The following LRP6 variants were observed in gnomAD, a reference collection of about 807,000 sequenced individuals.
LRP6 encodes low-density lipoprotein receptor-related protein 6.
Under a neutral mutation model 184.1 loss-of-function variants are expected in LRP6, and 43 were observed. The observed-to-expected ratio is 0.23, with a 90% CI of 0.18 to 0.30. The LOEUF is 0.30. LRP6 is among the 10% of genes least tolerant of loss of function. LRP6 has a pLI of 1.00. For missense variants in LRP6, 1,571 were observed against 2,005.3 expected (o/e 0.78, Z 4.14); for synonymous variants, 719 against 684.9 (o/e 1.05, Z -0.78).
At chr12:12,263,550 C>A (rs76519712) in intron 1 of LRP6, among the ~76,000 whole-genome samples, 98 of 135,870 alleles carry the variant, frequency 7.2e-4, no homozygotes, top group African/African-American at 9.4e-4. Context: ...GAATCCGTCT[C>A]AAAAAAAAAA....
At chr12:12,230,662 G>GAATATTTTA (rs1349557757) in intron 2 of LRP6, among the ~76,000 whole-genome samples, 1 of 152,192 alleles carries the variant, frequency 6.6e-6, no homozygotes, top group East Asian at 1.9e-4. Context: ...GTACATGAAA[G>GAATATTTTA]AATAGACAAT....
intron 22 of LRP6, among the ~76,000 whole-genome samples, chr12:12,123,332 G>C (rs1949629206): frequency 6.6e-6 from 1 of 152,164 alleles, no homozygotes; most frequent in African/African-American, 2.4e-5. Flanking sequence ...GAAGAAACTT[G>C]TGGCAGGGAA....
intron 9 of LRP6, among the ~76,000 whole-genome samples, chr12:12,164,064 G>A (rs577654486): frequency 6.6e-6 from 1 of 151,810 alleles, no homozygotes; most frequent in South Asian, 2.1e-4. Flanking sequence ...TGGGAGGCAG[G>A]GGTTGCAGTG....
At chr12:12,197,816 G>A (rs1183355584) in intron 3 of LRP6, among the ~76,000 whole-genome samples, 1 of 152,234 alleles carries the variant, frequency 6.6e-6, no homozygotes, top group Non-Finnish European at 1.5e-5. Flanking sequence ...GGCCGAGACA[G>A]GTGGATCACT....
intron 12 of LRP6, among the ~76,000 whole-genome samples, chr12:12,153,163 C>T (rs1449072229): frequency 6.6e-6 from 1 of 152,184 alleles, no homozygotes; most frequent in East Asian, 1.9e-4. Context: ...GGCAGTACTA[C>T]TTTCTTAGTA....
At chr12:12,126,615 T>C (rs369956236) in intron 20 of LRP6, 76 bp downstream of exon 20, 45 of 1,107,440 alleles carry the variant, frequency 4.1e-5, no homozygotes, top group South Asian at 2.9e-4. Context: ...CTCTAGGTAG[T>C]ATTCTTTTCC....
At chr12:12,264,554 T>C (rs1344018024) in intron 1 of LRP6, among the ~76,000 whole-genome samples, 2 of 152,168 alleles carry the variant, frequency 1.3e-5, no homozygotes, top group African/African-American at 4.8e-5. Context: ...GACTCTCACA[T>C]ACCCCATCAC....
At chr12:12,239,364 T>A (rs2135908529) in intron 2 of LRP6, among the ~76,000 whole-genome samples, 1 of 152,348 alleles carries the variant, frequency 6.6e-6, no homozygotes, top group Admixed American at 6.5e-5. Flanking sequence ...CTGTTCCATT[T>A]TTAAAGAGCT....
chr12:12,133,513 C>T (rs1168655403), intron 17 of LRP6, among the ~76,000 whole-genome samples: 2 of 152,074 alleles, frequency 1.3e-5, no homozygotes, highest in Non-Finnish European at 2.9e-5. Context: ...GAGGCCTATC[C>T]AGAAGCTGAA....
rs940226588 is a variant in LRP6, at chr12:12,118,951, T to C, written c.*2175A>G. 30 of 152,358 alleles carry C rather than the reference T, an allele frequency of 2.0e-4. No individual in the cohort carries two copies. Among genetic ancestry groups the C allele is most frequent in the Middle Eastern group, 3.4e-3 (1 of 294 alleles). The allele number at this position is 152,358 out of a possible 1,614,324, so 9.4% of individuals were successfully genotyped here. On this transcript the variant is annotated 3_prime_UTR_variant, in exon 23 of 23. Transcript: ENST00000261349. ...ATGCACATTTAAATATGTAAACATA[T>C]AGAATTCTCAAATTCTAACTGACAC...
intron 7 of LRP6, among the ~76,000 whole-genome samples, chr12:12,175,149 C>A (rs374194806): frequency 3.3e-5 from 5 of 152,124 alleles, no homozygotes; most frequent in African/African-American, 4.8e-5. Context: ...AACACTTTGG[C>A]AGGCCGAGGT....
chr12:12,219,523 T>C (rs949652000), intron 2 of LRP6, among the ~76,000 whole-genome samples: 1 of 152,088 alleles, frequency 6.6e-6, no homozygotes, highest in African/African-American at 2.4e-5. Flanking sequence ...CGCTTTTGTA[T>C]CTACCATTGC....
At chr12:12,160,877 T>C (rs1344973683) in intron 10 of LRP6, among the ~76,000 whole-genome samples, 1 of 152,244 alleles carries the variant, frequency 6.6e-6, no homozygotes, top group Non-Finnish European at 1.5e-5. Flanking sequence ...GCACATCACA[T>C]GCCAGCTCTC....
intron 2 of LRP6, among the ~76,000 whole-genome samples, chr12:12,241,287 C>T (rs1020819465): frequency 6.6e-6 from 1 of 152,056 alleles, no homozygotes; most frequent in South Asian, 2.1e-4. Flanking sequence ...GGAACTCAAA[C>T]TTCGTATTTC....
chr12:12,211,728 AG>A (rs2137061170), intron 2 of LRP6, among the ~76,000 whole-genome samples: 1 of 152,346 alleles, frequency 6.6e-6, no homozygotes, highest in South Asian at 2.1e-4. Flanking sequence ...CACCCAGTCT[AG>A]TCGATTACTT....
chr12:12,146,202 TAA>T (rs1392448280), intron 15 of LRP6, among the ~76,000 whole-genome samples: 1 of 152,224 alleles, frequency 6.6e-6, no homozygotes, highest in Non-Finnish European at 1.5e-5. Flanking sequence ...GGTCTTTCTC[TAA>T]GACAGCTATC....
chr12:12,162,113 A>T, intron 10 of LRP6, 80 bp downstream of exon 10: 1 of 1,085,750 alleles, frequency 9.2e-7, no homozygotes, highest in Non-Finnish European at 1.4e-6. Flanking sequence ...TTAAAACATT[A>T]AGAATATCAT....
At position 12,184,409 on chromosome 12, in the gene LRP6, C is replaced by CAAAA. The variant is rs72347600; in HGVS notation, c.845-302_845-299dup. On this transcript the variant is annotated intron_variant, in intron 4 of 22. Coordinates refer to ENST00000261349, the MANE Select transcript of LRP6 (RefSeq NM_002336.3). ...AACTAAAAACAAACAAACAAACAAACAAAACCAATAAAACTAAGTGCTATT... is the reference window on the plus strand; with the variant it reads ...AACTAAAAACAAACAAACAAACAAACAAAAAAAACCAATAAAACTAAGTGCTATT... Among the ~76,000 whole-genome samples, 89,100 of 151,644 alleles carry CAAAA rather than the reference C, an allele frequency of 0.59. 26,964 individuals carry two copies. Among genetic ancestry groups the CAAAA allele is most frequent in the East Asian group, 0.77 (3,979 of 5,164 alleles).
At chr12:12,141,729 T>C (rs892168069) in intron 15 of LRP6, among the ~76,000 whole-genome samples, 5 of 152,220 alleles carry the variant, frequency 3.3e-5, no homozygotes, top group African/African-American at 4.8e-5. Flanking sequence ...GCTTGATGCA[T>C]ATCCATTTAT....
Sources: gnomAD v4.1 joint callset for allele counts (sites outside exome capture counted in the v4.1 genomes callset) on GRCh38, gnomAD v4.1.1 for gene constraint, MANE v1.5 for transcripts, NCBI Gene and HGNC (gene_info 2026-07-23, HGNC 2026-07-21) for gene names.